SSX2IP: variants seen among roughly 807,000 people sequenced by gnomAD.
SSX2IP encodes the protein SSX family member 2 interacting protein, also known as afadin- and alpha-actinin-binding protein.
Under a neutral mutation model 84.9 loss-of-function variants are expected in SSX2IP, and 55 were observed. The observed-to-expected ratio is 0.65, with a 90% confidence interval of 0.52 to 0.81. The LOEUF (loss-of-function observed/expected upper bound fraction) is 0.81, where lower values mean the gene tolerates loss of function less well. SSX2IP is among the 30% of genes least tolerant of loss of function. The pLI is 0.00. For synonymous variants in SSX2IP, 239 were observed against 234.7 expected, an observed-to-expected ratio of 1.02 and a Z score of -0.17; for missense variants, 664 against 705.2, an observed-to-expected ratio of 0.94 and a Z score of 0.66.
At chr1:84,683,595 A>G (rs1447998274) in intron 1 of SSX2IP, among the ~76,000 whole-genome samples, 1 of 152,188 alleles carries the variant, frequency 6.6e-6, no homozygotes, top group Non-Finnish European at 1.5e-5. Flanking sequence ...GCTTGTCAGC[A>G]TATTCTTTGT....
At chr1:84,685,886 G>C (rs1655715363) in intron 1 of SSX2IP, among the ~76,000 whole-genome samples, 1 of 152,166 alleles carries the variant, frequency 6.6e-6, no homozygotes, top group Non-Finnish European at 1.5e-5. Context: ...AAAATAGATA[G>C]GAAAGCACAA....
At chr1:84,648,297 A>G (rs895935209) in intron 13 of SSX2IP, among the ~76,000 whole-genome samples, 1 of 152,154 alleles carries the variant, frequency 6.6e-6, no homozygotes, top group African/African-American at 2.4e-5. Flanking sequence ...TGTTTGTTTT[A>G]TTCTTAGAGG....
At chr1:84,667,928 C>G (rs546647815) in intron 4 of SSX2IP, among the ~76,000 whole-genome samples, 1 of 152,254 alleles carries the variant, frequency 6.6e-6, no homozygotes, top group African/African-American at 2.4e-5. Flanking sequence ...GCAATCTCCT[C>G]GTGACCTAGG....
intron 1 of SSX2IP, among the ~76,000 whole-genome samples, chr1:84,684,788 G>A (rs1042006220): frequency 1.3e-5 from 2 of 151,956 alleles, no homozygotes; most frequent in Admixed American, 1.3e-4. Context: ...GCAGTAATCA[G>A]AAAACTTCAG....
chr1:84,674,705 T>C (rs1160492197), intron 1 of SSX2IP, among the ~76,000 whole-genome samples: 1 of 152,168 alleles, frequency 6.6e-6, no homozygotes, highest in Non-Finnish European at 1.5e-5. Flanking sequence ...CCTGCCCTAT[T>C]AATACCAACA....
intron 1 of SSX2IP, among the ~76,000 whole-genome samples, chr1:84,675,355 G>C (rs561594244): frequency 1.1e-4 from 16 of 152,316 alleles, no homozygotes; most frequent in African/African-American, 3.6e-4. Context: ...TTCAAGTAAT[G>C]TGTAACCTAA....
At chr1:84,664,084 CT>C (rs1449676881) in intron 6 of SSX2IP, among the ~76,000 whole-genome samples, 1 of 152,150 alleles carries the variant, frequency 6.6e-6, no homozygotes, top group African/African-American at 2.4e-5. Context: ...TAAAATACTT[CT>C]TTTGATACTC....
Position 84,671,255 on chromosome 1 carries a change from T to C in SSX2IP, c.-36A>G, listed in dbSNP as rs778322340. On this transcript the variant is annotated 5_prime_UTR_variant, in exon 2 of 14. Transcript: ENST00000342203. The stretch of plus-strand genomic sequence containing the variant: ...AGAGCCAGGATACCTGAGGAACTAG[T>C]TCAGCAGTTAAACATTTAGTCTAGC... The C allele has an allele frequency of 2.1e-5, 34 of 1,604,848 alleles. No individual in the cohort carries two copies. Among genetic ancestry groups the C allele is most frequent in the Non-Finnish European group, 2.9e-5 (34 of 1,175,806 alleles).
chr1:84,675,675 A>T (rs1005692929), intron 1 of SSX2IP, among the ~76,000 whole-genome samples: 1 of 152,218 alleles, frequency 6.6e-6, no homozygotes, highest in Non-Finnish European at 1.5e-5. Context: ...TGCTTACCTG[A>T]GACAAATGCA....
intron 1 of SSX2IP, among the ~76,000 whole-genome samples, chr1:84,679,864 T>C (rs992696859): frequency 5.3e-5 from 8 of 152,146 alleles, no homozygotes; most frequent in Non-Finnish European, 1.2e-4. Context: ...AGAGGTTAGG[T>C]AATTTGCCCA....
At chr1:84,671,098 A>C in intron 2 of SSX2IP, 79 bp downstream of exon 2, 2 of 1,501,754 alleles carry the variant, frequency 1.3e-6, no homozygotes, top group South Asian at 2.5e-5. Context: ...CAACATCTGC[A>C]GTAATTATTT....
At chr1:84,676,239 A>G (rs1654309731) in intron 1 of SSX2IP, among the ~76,000 whole-genome samples, 1 of 152,236 alleles carries the variant, frequency 6.6e-6, no homozygotes, top group South Asian at 2.1e-4. Flanking sequence ...GCAAAAGTAT[A>G]AAGTAATCCA....
intron 13 of SSX2IP, chr1:84,649,928 G>A: frequency 1.8e-6 from 1 of 541,558 alleles, no homozygotes; most frequent in Non-Finnish European, 3.6e-6. Context: ...AACAGGAACA[G>A]GCTTTTCTCA....
intron 4 of SSX2IP, among the ~76,000 whole-genome samples, chr1:84,667,955 T>C (rs1198126467): frequency 6.6e-6 from 1 of 152,174 alleles, no homozygotes; most frequent in Non-Finnish European, 1.5e-5. Context: ...GTTTCACTCA[T>C]CTTTGAAACT....
chr1:84,652,077 T>A (rs773435752), intron 11 of SSX2IP, 80 bp from the exon 12 acceptor site: 2 of 1,038,470 alleles, frequency 1.9e-6, no homozygotes, highest in Non-Finnish European at 3.0e-6. Flanking sequence ...GCTCTAGCTA[T>A]CTTTGTTTGC....
At position 84,647,227 on chromosome 1, in the gene SSX2IP, T is replaced by A. The variant is rs1198031234; in HGVS notation, c.*206A>T. On this transcript the variant is annotated 3_prime_UTR_variant, in exon 14 of 14. Coordinates refer to ENST00000342203, the MANE Select transcript of SSX2IP (RefSeq NM_001166293.2). ...CTTTATTCACAGAACCAGATGCTTC[T>A]GTTACTAAAAATACATATCCAAAGC... The A allele has an allele frequency of 2.5e-6, 1 of 392,364 alleles. No homozygotes were observed. The highest frequency in any genetic ancestry group is 3.9e-5 in the East Asian group (1 of 25,372). 24.3% of individuals were successfully genotyped at this position (392,364 alleles called of 1,614,324 possible). A position where few individuals can be genotyped will look rare whatever the true frequency, so the allele number is the denominator to read the frequency against.
chr1:84,656,567 G>T, intron 9 of SSX2IP, 83 bp from the exon 10 acceptor site: 1 of 1,240,878 alleles, frequency 8.1e-7, no homozygotes, highest in Non-Finnish European at 1.1e-6. Flanking sequence ...TAAAACAAGG[G>T]CTCTCAGAAC....
rs1435748127 is a variant in SSX2IP, at chr1:84,684,992, T to C, written c.-90+5379A>G. On this transcript the variant is annotated intron_variant, in intron 1 of 13. Coordinates refer to ENST00000342203, the MANE Select transcript of SSX2IP (RefSeq NM_001166293.2). Reference sequence around the variant, plus strand: ...AAAAGGAATGGAGGGGCCCACAGGGTTATGCACAGGGTTAGGTGGTACTTA... The same window carrying C: ...AAAAGGAATGGAGGGGCCCACAGGGCTATGCACAGGGTTAGGTGGTACTTA... Among the ~76,000 whole-genome samples, 7 of 151,312 alleles carry C rather than the reference T, an allele frequency of 4.6e-5. No individual in the cohort carries two copies. In the East Asian group the frequency reaches 1.4e-3, roughly 29 times the overall value.
chr1:84,664,266 A>AT (rs1483779755), intron 6 of SSX2IP, 151 bp downstream of exon 6: 3 of 820,740 alleles, frequency 3.7e-6, no homozygotes, highest in Non-Finnish European at 5.1e-6. Flanking sequence ...AGTTGTCTAC[A>AT]TTTTTTATAT....
Sources: allele counts gnomAD v4.1 joint callset (sites outside exome capture counted in the v4.1 genomes callset), GRCh38; gene constraint gnomAD v4.1.1; transcripts MANE v1.5; gene names NCBI Gene and HGNC (gene_info 2026-07-23, HGNC 2026-07-21).